ARHGEF9: variants seen among roughly 807,000 people sequenced by gnomAD.
ARHGEF9 encodes the protein Cdc42 guanine nucleotide exchange factor 9, also known as rho guanine nucleotide exchange factor 9.
In ARHGEF9, 2 loss-of-function variants were observed where a neutral mutation model predicts 41.3. The observed-to-expected ratio is 0.05, with a 90% CI of 0.02 to 0.15. ARHGEF9 has a LOEUF of 0.15. Among genes scored for constraint, ARHGEF9 ranks in the 10% least tolerant of loss-of-function variants. The pLI, the probability that ARHGEF9 is intolerant of heterozygous loss-of-function variation, is 1.00. For synonymous variants in ARHGEF9, 160 were observed against 154.4 expected, an observed-to-expected ratio of 1.04 and a Z score of -0.27; for missense variants, 225 against 424.7, an observed-to-expected ratio of 0.53 and a Z score of 4.13.
At position 63,653,026 on chromosome X, in the gene ARHGEF9, C is replaced by T. The variant is rs1223816068; in HGVS notation, c.1321+2468G>A. ...CCAGTGATGCTTCCTGTTAAGCCTG[C>T]AGAACTGTGAGTCAATTAAACCTCT... On this transcript the variant is annotated intron_variant, in intron 8 of 9. Coordinates refer to ENST00000671741, the MANE Select transcript of ARHGEF9 (RefSeq NM_001353921.2). Among the ~76,000 whole-genome samples the T allele has an allele frequency of 3.6e-5, 4 of 111,557 alleles. No homozygotes were observed. The Admixed American group carries it at 3.8e-4, about 11-fold the overall frequency.
chrX:63,706,001 A>G (rs1175647144), intron 3 of ARHGEF9, among the ~76,000 whole-genome samples: 1 of 111,816 alleles, frequency 8.9e-6, no homozygotes, highest in Non-Finnish European at 1.9e-5. Flanking sequence ...AGACTAAGAA[A>G]GGGTAAAGAC....
chrX:63,730,985 C>T (rs1464281760), intron 1 of ARHGEF9, among the ~76,000 whole-genome samples: 1 of 112,182 alleles, frequency 8.9e-6, no homozygotes, highest in African/African-American at 3.2e-5. Flanking sequence ...CCAAAATAGA[C>T]ATTTAATTAG....
At chrX:63,645,623 T>C (rs782339659) in intron 8 of ARHGEF9, among the ~76,000 whole-genome samples, 50 of 112,365 alleles carry the variant, frequency 4.4e-4, no homozygotes, top group African/African-American at 1.6e-3. Context: ...TAATCCAGTC[T>C]ATCATTGTTG....
rs149446738 is a variant in ARHGEF9 at position 63,761,565 on chromosome X, C to G, written c.30+23551G>C. 4.5e-5 allele frequency among the ~76,000 whole-genome samples: 5 copies of G among 111,315 alleles called. No homozygotes were observed. The East Asian group carries it at 1.4e-3, about 32-fold the overall frequency. On this transcript the variant is annotated intron_variant, in intron 1 of 9. Coordinates refer to ENST00000671741, the MANE Select transcript of ARHGEF9 (RefSeq NM_001353921.2). ...ATTCTCTGCTACAGCCTGAGAATAC[C>G]AATCTTCACCCTTCTCCCACCCCAA...
rs782805278 is a variant in ARHGEF9, at chrX:63,666,453, T to TACACACACACACACACAC, written c.946-454_946-437dup. On this transcript the variant is annotated intron_variant, in intron 6 of 9. Coordinates refer to ENST00000671741, the MANE Select transcript of ARHGEF9 (RefSeq NM_001353921.2). ...ACACATACACACATATATATATACA[T>TACACACACACACACACAC]ACACACACACACACACACACACACA... Among the ~76,000 whole-genome samples the TACACACACACACACACAC allele has an allele frequency of 1.1e-3, 92 of 81,257 alleles. 2 individuals carry two copies. Among genetic ancestry groups the TACACACACACACACACAC allele is most frequent in the Non-Finnish European group, 1.3e-3 (57 of 42,343 alleles). 70.6% of individuals were successfully genotyped at this position (81,257 alleles called of 115,157 possible).
intron 3 of ARHGEF9, among the ~76,000 whole-genome samples, chrX:63,705,594 A>G (rs1285843722): frequency 9.0e-6 from 1 of 110,842 alleles, no homozygotes; most frequent in Non-Finnish European, 1.9e-5. Flanking sequence ...TCTTGGGGAA[A>G]AAAAGTGACA....
chrX:63,710,310 A>C (rs1241446344), intron 2 of ARHGEF9, among the ~76,000 whole-genome samples: 1 of 107,458 alleles, frequency 9.3e-6, no homozygotes, highest in Non-Finnish European at 1.9e-5. Context: ...AAAAAAAAAA[A>C]AAAAAAAAAA....
chrX:63,762,223 A>ATTC (rs1425824373), intron 1 of ARHGEF9, among the ~76,000 whole-genome samples: 1 of 112,075 alleles, frequency 8.9e-6, no homozygotes, highest in Non-Finnish European at 1.9e-5. Flanking sequence ...GCCATTGGAC[A>ATTC]TTCGGGACAC....
intron 2 of ARHGEF9, among the ~76,000 whole-genome samples, chrX:63,711,319 T>C (rs781945831): frequency 3.6e-5 from 4 of 111,582 alleles, no homozygotes; most frequent in Non-Finnish European, 3.8e-5. Flanking sequence ...AAAACTCGTA[T>C]GGAATTTCAA....
chrX:63,724,774 C>T (rs1377342814), intron 1 of ARHGEF9, 63 bp from the exon 2 acceptor site: 1 of 1,068,389 alleles, frequency 9.4e-7, no homozygotes, highest in African/African-American at 1.8e-5. Context: ...CCTTCCCCCA[C>T]CCACAGAGCT....
At position 63,645,951 on chromosome X, in the gene ARHGEF9, G is replaced by A. The variant is rs190179504; in HGVS notation, c.1322-1903C>T. Among the ~76,000 whole-genome samples, 410 of 111,982 alleles carry A rather than the reference G, an allele frequency of 3.7e-3. 3 individuals carry two copies. The highest frequency in any genetic ancestry group is 0.012 in the African/African-American group (382 of 30,799). On this transcript the variant is annotated intron_variant, in intron 8 of 9. Transcript: ENST00000671741. ...TGGAGTGAGATGGTACCTCATTGTCGTTTTGATCTGCATTTCTCTGATGGC... is the reference window on the plus strand; with the variant it reads ...TGGAGTGAGATGGTACCTCATTGTCATTTTGATCTGCATTTCTCTGATGGC...
intron 1 of ARHGEF9, among the ~76,000 whole-genome samples, chrX:63,775,996 AT>A (rs2056287627): frequency 9.0e-6 from 1 of 110,888 alleles, no homozygotes; most frequent in Non-Finnish European, 1.9e-5. Flanking sequence ...GCCTGTCTTT[AT>A]TTCCCCCCTA....
At chrX:63,644,657 C>T (rs1325181181) in intron 8 of ARHGEF9, among the ~76,000 whole-genome samples, 1 of 110,696 alleles carries the variant, frequency 9.0e-6, no homozygotes, top group African/African-American at 3.3e-5. Context: ...ATCTGACAAG[C>T]TTCACAACAG....
chrX:63,719,450 T>G (rs1328798150), intron 2 of ARHGEF9, among the ~76,000 whole-genome samples: 1 of 112,086 alleles, frequency 8.9e-6, no homozygotes, highest in Admixed American at 9.4e-5. Context: ...GGATTAAGAT[T>G]CAGAAGGGGA....
intron 8 of ARHGEF9, among the ~76,000 whole-genome samples, chrX:63,645,876 C>A (rs1232652642): frequency 2.7e-5 from 3 of 112,070 alleles, no homozygotes; most frequent in African/African-American, 9.7e-5. Flanking sequence ...TTCTCCACAT[C>A]CTCTCCACCA....
intron 2 of ARHGEF9, chrX:63,719,826 T>C (rs2053536507): frequency 1.0e-5 from 3 of 294,160 alleles, no homozygotes; most frequent in Non-Finnish European, 5.9e-6. Context: ...GGTTGACCTC[T>C]GGCTGGAGAG....
At chrX:63,643,880 C>T (rs1476266344) in intron 9 of ARHGEF9, 100 bp downstream of exon 9, 12 of 918,756 alleles carry the variant, frequency 1.3e-5, no homozygotes, top group Non-Finnish European at 1.7e-5. Flanking sequence ...TCCTCCACCA[C>T]CCCCAAGTAA....
rs2047247541 is a variant in ARHGEF9 at position 63,635,029 on chromosome X, CA to C, written c.*2998del. 3 of 257,104 alleles carry C rather than the reference CA, an allele frequency of 1.2e-5. No individual in the cohort carries two copies. The highest frequency in any genetic ancestry group is 1.3e-5 in the Non-Finnish European group (2 of 148,491). 21.2% of individuals were successfully genotyped at this position (257,104 alleles called of 1,213,427 possible). A position where few individuals can be genotyped will look rare whatever the true frequency, so the allele number is the denominator to read the frequency against. On this transcript the variant is annotated 3_prime_UTR_variant, in exon 10 of 10. Coordinates refer to ENST00000671741, the MANE Select transcript of ARHGEF9 (RefSeq NM_001353921.2). The stretch of plus-strand genomic sequence containing the variant: ...TTCATAAGGCTTTGTGTCATTACAA[CA>C]TTTTTTTTGTTAAACATTTTTTAAC...
Position 63,709,611 on chromosome X carries a change from A to C in ARHGEF9, c.211-3162T>G, listed in dbSNP as rs782284368. On this transcript the variant is annotated intron_variant, in intron 2 of 9. Coordinates refer to ENST00000671741, the MANE Select transcript of ARHGEF9 (RefSeq NM_001353921.2). Reference sequence around the variant, plus strand: ...ATTGACTGGCTAATCCCATAAACCCAAAATCCTTAATAGCTCTCCACTGAT... The same window carrying C: ...ATTGACTGGCTAATCCCATAAACCCCAAATCCTTAATAGCTCTCCACTGAT... Among the ~76,000 whole-genome samples, 3 of 111,944 alleles carry C rather than the reference A, an allele frequency of 2.7e-5. No individual in the cohort carries two copies. The South Asian group carries it at 1.1e-3, about 42-fold the overall frequency.
Sources: gnomAD v4.1 joint callset for allele counts (sites outside exome capture counted in the v4.1 genomes callset) on GRCh38, gnomAD v4.1.1 for gene constraint, MANE v1.5 for transcripts, NCBI Gene and HGNC (gene_info 2026-07-23, HGNC 2026-07-21) for gene names.